SLC4A4: variants seen among roughly 807,000 people sequenced by gnomAD.
SLC4A4 encodes the protein electrogenic sodium bicarbonate cotransporter 1.
In SLC4A4, 27 loss-of-function variants were observed where a neutral mutation model predicts 111.5. That is an observed-to-expected ratio of 0.24 (90% CI 0.18 to 0.33). The LOEUF (loss-of-function observed/expected upper bound fraction) is 0.33. Ranked by LOEUF, SLC4A4 falls within the 10% of genes least tolerant of loss-of-function variation. SLC4A4 has a pLI of 1.00. For synonymous variants in SLC4A4, 443 were observed against 463.4 expected (o/e 0.96, Z 0.57); for missense variants, 909 against 1,315.5 (o/e 0.69, Z 4.78).
intron 5 of SLC4A4, among the ~76,000 whole-genome samples, chr4:71,356,779 C>G (rs1730319808): frequency 6.6e-6 from 1 of 152,112 alleles, no homozygotes; most frequent in Non-Finnish European, 1.5e-5. Context: ...TACATCATAT[C>G]TGGGCCTGAA....
chr4:71,369,694 G>A (rs1453077084), intron 6 of SLC4A4, among the ~76,000 whole-genome samples: 1 of 152,128 alleles, frequency 6.6e-6, no homozygotes, highest in Non-Finnish European at 1.5e-5. Context: ...TTTAGAGCTT[G>A]GTAAAGTGAC....
At chr4:71,444,662 A>C (rs1725065821) in intron 8 of SLC4A4, among the ~76,000 whole-genome samples, 1 of 152,212 alleles carries the variant, frequency 6.6e-6, no homozygotes, top group African/African-American at 2.4e-5. Flanking sequence ...TTCAATCATA[A>C]AAGTTGTAAC....
Position 71,453,688 on chromosome 4 carries a change from A to G in SLC4A4, c.1497+19A>G. ...CATGCAGGTGGGTATGGTTTTGAGG[A>G]GGACACAAATAGTACAGCCCAGATT... On this transcript the variant is annotated intron_variant, in intron 12 of 25. Coordinates refer to ENST00000264485, the MANE Select transcript of SLC4A4 (RefSeq NM_001098484.3). 1 of 1,613,450 alleles carries G rather than the reference A, an allele frequency of 6.2e-7. No homozygotes were observed. Among genetic ancestry groups the G allele is most frequent in the Non-Finnish European group, 8.5e-7 (1 of 1,179,544 alleles).
At chr4:71,070,452 G>A (rs1239606608) in intron 1 of SLC4A4, among the ~76,000 whole-genome samples, 1 of 152,166 alleles carries the variant, frequency 6.6e-6, no homozygotes, top group East Asian at 1.9e-4. Flanking sequence ...CTTGATGAAA[G>A]CAATGTACGA....
intron 3 of SLC4A4, among the ~76,000 whole-genome samples, chr4:71,298,863 G>T (rs1725005201): frequency 6.6e-6 from 1 of 152,036 alleles, no homozygotes; most frequent in Admixed American, 6.6e-5. Flanking sequence ...TTCATTGATT[G>T]GCTCTATCTT....
intron 1 of SLC4A4, among the ~76,000 whole-genome samples, chr4:71,218,177 T>C (rs1718543978): frequency 6.6e-6 from 1 of 152,230 alleles, no homozygotes; most frequent in African/African-American, 2.4e-5. Flanking sequence ...GAGTGATGTT[T>C]TACTTTGGTC....
At chr4:71,541,683 T>C (rs1735077905) in intron 18 of SLC4A4, among the ~76,000 whole-genome samples, 1 of 149,728 alleles carries the variant, frequency 6.7e-6, no homozygotes, top group Non-Finnish European at 1.5e-5. Context: ...TTTGAAACAC[T>C]CAGTCTGGCA....
chr4:71,179,756 C>A (rs1239052341), intron 2 of SLC4A4, among the ~76,000 whole-genome samples: 1 of 152,048 alleles, frequency 6.6e-6, no homozygotes, highest in Non-Finnish European at 1.5e-5. Context: ...GAATCAATAC[C>A]ATGAAAATGG....
chr4:71,101,605 C>T (rs1206266586), intron 2 of SLC4A4, among the ~76,000 whole-genome samples: 1 of 152,130 alleles, frequency 6.6e-6, no homozygotes, highest in African/African-American at 2.4e-5. Context: ...TCAGGTGGGT[C>T]CCTGACCCCT....
At chr4:71,430,229 G>A (rs971472453) in intron 7 of SLC4A4, among the ~76,000 whole-genome samples, 6 of 152,134 alleles carry the variant, frequency 3.9e-5, no homozygotes, top group African/African-American at 1.4e-4. Flanking sequence ...CAGCATTACA[G>A]GGTGTCTGTT....
chr4:71,554,501 G>T (rs1736294891), intron 20 of SLC4A4, among the ~76,000 whole-genome samples: 1 of 151,704 alleles, frequency 6.6e-6, no homozygotes, highest in Non-Finnish European at 1.5e-5. Flanking sequence ...TGCATGAAAA[G>T]GTATTAATTC....
Position 71,547,724 on chromosome 4 carries a change from A to C in SLC4A4, c.2694+4A>C. 3.7e-6 allele frequency: 6 copies of C among 1,607,550 alleles called. No individual in the cohort carries two copies. The highest frequency in any genetic ancestry group is 5.1e-6 in the Non-Finnish European group (6 of 1,174,598). On this transcript the variant is annotated splice_donor_region_variant and intron_variant, in intron 20 of 25. Coordinates refer to ENST00000264485, the MANE Select transcript of SLC4A4 (RefSeq NM_001098484.3). Reference sequence around the variant, plus strand: ...CTTTATGGCTCCCATCTTGAAGGTAAATATGTGAAACATTCACCTCTTCCT... The same window carrying C: ...CTTTATGGCTCCCATCTTGAAGGTACATATGTGAAACATTCACCTCTTCCT...
chr4:71,225,656 G>A (rs1719000952), intron 1 of SLC4A4, among the ~76,000 whole-genome samples: 1 of 152,118 alleles, frequency 6.6e-6, no homozygotes, highest in African/African-American at 2.4e-5. Flanking sequence ...GTTTCAGAAG[G>A]CATCTTCTCC....
intron 3 of SLC4A4, among the ~76,000 whole-genome samples, chr4:71,327,704 G>T (rs1178578326): frequency 3.3e-5 from 5 of 151,450 alleles, no homozygotes; most frequent in Non-Finnish European, 7.4e-5. Context: ...ATTTTTATGG[G>T]TATATAATAG....
intron 3 of SLC4A4, among the ~76,000 whole-genome samples, chr4:71,290,271 T>C (rs1724236114): frequency 6.6e-6 from 1 of 152,078 alleles, no homozygotes; most frequent in African/African-American, 2.4e-5. Flanking sequence ...GTGGTGACTA[T>C]TGAGGGAGAA....
chr4:71,077,192 G>A (rs1264373781), intron 1 of SLC4A4, among the ~76,000 whole-genome samples: 2 of 148,942 alleles, frequency 1.3e-5, no homozygotes, highest in South Asian at 2.1e-4. Context: ...ACGGAGTCTC[G>A]CTCTGTCACC....
chr4:71,363,613 A>C (rs1339190725), intron 6 of SLC4A4, among the ~76,000 whole-genome samples: 3 of 152,206 alleles, frequency 2.0e-5, no homozygotes. Context: ...TCTAGTTCTC[A>C]GATAGGTCAG....
At chr4:71,238,930 A>G (rs1481626569) in intron 2 of SLC4A4, among the ~76,000 whole-genome samples, 10 of 152,152 alleles carry the variant, frequency 6.6e-5, no homozygotes, top group Non-Finnish European at 1.5e-5. Context: ...GAATGAAGAA[A>G]CAGACGGCCT....
intron 6 of SLC4A4, among the ~76,000 whole-genome samples, chr4:71,391,569 C>T (rs1232852440): frequency 6.6e-6 from 1 of 152,004 alleles, no homozygotes; most frequent in Non-Finnish European, 1.5e-5. Context: ...TATGTACCTG[C>T]CAAGTGGGTA....
Sources: gnomAD v4.1 joint callset for allele counts (sites outside exome capture counted in the v4.1 genomes callset) on GRCh38, gnomAD v4.1.1 for gene constraint, MANE v1.5 for transcripts, NCBI Gene and HGNC (gene_info 2026-07-23, HGNC 2026-07-21) for gene names.